The following PPARGC1A variants were observed in gnomAD, a reference collection of about 807,000 sequenced individuals.
PPARGC1A encodes the protein peroxisome proliferator-activated receptor gamma coactivator 1-alpha.
In PPARGC1A, 25 loss-of-function variants were observed where a neutral mutation model predicts 88.7. The observed-to-expected ratio is 0.28, with a 90% confidence interval of 0.21 to 0.39. The LOEUF (loss-of-function observed/expected upper bound fraction) is 0.39. Among genes scored for constraint, PPARGC1A ranks in the 10% least tolerant of loss-of-function variants. PPARGC1A has a pLI of 1.00. For synonymous variants in PPARGC1A, 363 were observed against 355.6 expected, an observed-to-expected ratio of 1.02 and a Z score of -0.24; for missense variants, 880 against 968.7, an observed-to-expected ratio of 0.91 and a Z score of 1.22.
chr4:24,227,907 C>A, the PPARGC1A span, among the ~76,000 whole-genome samples: 1 of 152,198 alleles, frequency 6.6e-6, no homozygotes, highest in Non-Finnish European at 1.5e-5. Context: ...GCAAGGAACA[C>A]CTTTTTCCTA....
the PPARGC1A span, among the ~76,000 whole-genome samples, chr4:24,443,316 A>G: frequency 6.6e-6 from 1 of 151,430 alleles, no homozygotes; most frequent in Non-Finnish European, 1.5e-5. Context: ...TAGGGAAGGA[A>G]GGTCCAGTCC....
the PPARGC1A span, among the ~76,000 whole-genome samples, chr4:24,063,269 G>C: frequency 6.6e-6 from 1 of 152,214 alleles, no homozygotes; most frequent in African/African-American, 2.4e-5. Flanking sequence ...CAGGCCAAGA[G>C]AGTCAACTCC....
the PPARGC1A span, among the ~76,000 whole-genome samples, chr4:23,992,220 G>A: frequency 2.9e-4 from 44 of 151,838 alleles, 1 homozygote; most frequent in African/African-American, 1.0e-3. Flanking sequence ...CAGAAGGCAG[G>A]AACACACCAG....
the PPARGC1A span, among the ~76,000 whole-genome samples, chr4:24,184,648 C>T: frequency 6.6e-6 from 1 of 152,212 alleles, no homozygotes; most frequent in Admixed American, 6.5e-5. Context: ...AGTAATGATG[C>T]TGCTCTTGGT....
chr4:23,958,076 T>C, the PPARGC1A span, among the ~76,000 whole-genome samples: 24 of 152,232 alleles, frequency 1.6e-4, no homozygotes, highest in African/African-American at 5.3e-4. Context: ...AAGCTTCCCA[T>C]AGTTTAAGAA....
At chr4:23,984,268 C>A in the PPARGC1A span, among the ~76,000 whole-genome samples, 1 of 152,142 alleles carries the variant, frequency 6.6e-6, no homozygotes, top group Non-Finnish European at 1.5e-5. Context: ...TTCTTCTATG[C>A]TCTCATAGAT....
At chr4:24,346,650 T>C in the PPARGC1A span, among the ~76,000 whole-genome samples, 2 of 152,196 alleles carry the variant, frequency 1.3e-5, no homozygotes, top group Non-Finnish European at 2.9e-5. Flanking sequence ...GTGAGGTTAT[T>C]TGGATTTTCT....
the PPARGC1A span, among the ~76,000 whole-genome samples, chr4:24,199,418 G>A: frequency 2.0e-5 from 3 of 152,108 alleles, no homozygotes; most frequent in African/African-American, 7.2e-5. Context: ...AATGAGATCT[G>A]TACAGAGAAC....
chr4:23,911,143 C>G, the PPARGC1A span, among the ~76,000 whole-genome samples: 1 of 152,016 alleles, frequency 6.6e-6, no homozygotes, highest in Non-Finnish European at 1.5e-5. Flanking sequence ...TAGTGAAATG[C>G]AACAGAGAAA....
At chr4:23,910,312 A>AATATTATATATTAT in the PPARGC1A span, among the ~76,000 whole-genome samples, 3 of 47,478 alleles carry the variant, frequency 6.3e-5, no homozygotes, top group African/African-American at 5.2e-4. Context: ...CCCTATATAT[A>AATATTATATATTAT]ATATTATATA....
chr4:24,424,258 C>CT, the PPARGC1A span, among the ~76,000 whole-genome samples: 2,595 of 44,264 alleles, frequency 0.059, 923 homozygotes, highest in Non-Finnish European at 0.064. Context: ...TATACACACA[C>CT]TTTTTTTTTT....
At chr4:24,387,496 C>A in the PPARGC1A span, among the ~76,000 whole-genome samples, 1 of 151,996 alleles carries the variant, frequency 6.6e-6, no homozygotes. Context: ...TAGGCTGAGG[C>A]GGGTGGATCA....
At chr4:23,820,644 AAAGAG>A (rs1344926722) in intron 7 of PPARGC1A, 1 of 440,934 alleles carries the variant, frequency 2.3e-6, no homozygotes, top group Non-Finnish European at 4.6e-6. Flanking sequence ...TACACCTGTA[AAAGAG>A]AAGAGTTTTT....
the PPARGC1A span, among the ~76,000 whole-genome samples, chr4:23,948,882 A>C: frequency 1.3e-5 from 2 of 152,294 alleles, no homozygotes; most frequent in Non-Finnish European, 2.9e-5. Context: ...TCAGATCTAA[A>C]AGGCTAGTGA....
chr4:23,904,435 G>C (rs1719792024), upstream of PPARGC1A, among the ~76,000 whole-genome samples: 1 of 152,054 alleles, frequency 6.6e-6, no homozygotes, highest in Non-Finnish European at 1.5e-5. Flanking sequence ...TTTATCCCGG[G>C]AACCCATTCA....
the PPARGC1A span, among the ~76,000 whole-genome samples, chr4:24,271,502 C>A: frequency 2.3e-4 from 35 of 152,214 alleles, no homozygotes; most frequent in African/African-American, 8.4e-4. Context: ...CTCAGCTTCC[C>A]AAGTAGCTGG....
At chr4:23,921,048 C>T in the PPARGC1A span, among the ~76,000 whole-genome samples, 72 of 152,222 alleles carry the variant, frequency 4.7e-4, no homozygotes, top group East Asian at 0.012. Context: ...CCGTGCCACC[C>T]CCCACCCACT....
chr4:23,976,733 C>CGA, the PPARGC1A span, among the ~76,000 whole-genome samples: 1 of 152,136 alleles, frequency 6.6e-6, no homozygotes. Context: ...GTAAGGACAA[C>CGA]GAGAAGGTGG....
the PPARGC1A span, among the ~76,000 whole-genome samples, chr4:23,931,956 C>G: frequency 6.6e-6 from 1 of 152,018 alleles, no homozygotes; most frequent in East Asian, 1.9e-4. Context: ...ATAATGATAC[C>G]CCATTGTCAG....
Sources: gnomAD v4.1 joint callset for allele counts (sites outside exome capture counted in the v4.1 genomes callset) on GRCh38, gnomAD v4.1.1 for gene constraint, MANE v1.5 for transcripts, NCBI Gene and HGNC (gene_info 2026-07-23, HGNC 2026-07-21) for gene names.